Variants in SLC39A10 observed in about 807,000 individuals in gnomAD.
The protein encoded by SLC39A10 is zinc transporter ZIP10.
SLC39A10 carries 13 observed loss-of-function variants against 65.1 expected under a neutral mutation model. The ratio of observed to expected loss-of-function variants is 0.20; its 90% CI spans 0.13 to 0.32. SLC39A10 has a LOEUF of 0.32. Ranked by LOEUF, SLC39A10 falls within the 10% of genes least tolerant of loss-of-function variation. The pLI is 1.00. For synonymous variants in SLC39A10, 321 were observed against 342.2 expected (o/e 0.94, Z 0.68); for missense variants, 831 against 1,018.4 (o/e 0.82, Z 2.50).
intron 3 of SLC39A10, among the ~76,000 whole-genome samples, chr2:195,697,617 G>T (rs959419532): frequency 3.3e-5 from 5 of 151,894 alleles, no homozygotes; most frequent in African/African-American, 1.2e-4. Context: ...AGTGTCTCTT[G>T]TTCCCCTCAT....
At chr2:195,672,564 G>T (rs984662537) in intron 1 of SLC39A10, among the ~76,000 whole-genome samples, 20 of 152,154 alleles carry the variant, frequency 1.3e-4, no homozygotes, top group African/African-American at 4.3e-4. Flanking sequence ...TTGTATCATT[G>T]TATTCCTATA....
chr2:195,672,999 TAC>T (rs1689929519), intron 1 of SLC39A10, among the ~76,000 whole-genome samples: 1 of 152,150 alleles, frequency 6.6e-6, no homozygotes, highest in Admixed American at 6.5e-5. Flanking sequence ...GTAAAATTGA[TAC>T]ACCGTTTAAA....
At chr2:195,690,022 C>G (rs1432399720) in intron 3 of SLC39A10, among the ~76,000 whole-genome samples, 1 of 151,608 alleles carries the variant, frequency 6.6e-6, no homozygotes, top group Non-Finnish European at 1.5e-5. Context: ...ACTAAAAATA[C>G]AAAAATTAGC....
chr2:195,719,312 C>T, intron 8 of SLC39A10, among the ~76,000 whole-genome samples: 1 of 152,210 alleles, frequency 6.6e-6, no homozygotes, highest in South Asian at 2.1e-4. Context: ...TTAAAACTCT[C>T]CATCCCGATT....
At chr2:195,675,051 G>C (rs934465101) in intron 1 of SLC39A10, among the ~76,000 whole-genome samples, 2 of 152,122 alleles carry the variant, frequency 1.3e-5, no homozygotes, top group African/African-American at 4.8e-5. Flanking sequence ...CTGTAAACCA[G>C]TGATTGGCTT....
intron 2 of SLC39A10, among the ~76,000 whole-genome samples, chr2:195,630,678 C>T (rs951841914): frequency 2.6e-5 from 4 of 152,086 alleles, no homozygotes; most frequent in South Asian, 2.1e-4. Flanking sequence ...GAACCATGGA[C>T]GAAAACCATT....
intron 2 of SLC39A10, among the ~76,000 whole-genome samples, chr2:195,624,907 A>AAAAG (rs1688433908): frequency 1.3e-5 from 2 of 148,908 alleles, no homozygotes; most frequent in African/African-American, 4.9e-5. Flanking sequence ...AAAAAAAAAA[A>AAAAG]AAGTTTAGTA....
At chr2:195,658,788 T>C (rs2105724800) in intron 1 of SLC39A10, among the ~76,000 whole-genome samples, 1 of 148,154 alleles carries the variant, frequency 6.7e-6, no homozygotes, top group South Asian at 2.2e-4. Flanking sequence ...CACTGGTTAC[T>C]CCAGTGGCTC....
upstream of SLC39A10, among the ~76,000 whole-genome samples, chr2:195,655,996 G>C (rs1689136621): frequency 6.6e-6 from 1 of 152,176 alleles, no homozygotes; most frequent in Non-Finnish European, 1.5e-5. Context: ...TGTGATACCA[G>C]GCAAGTTAAA....
At position 195,662,012 on chromosome 2, in the gene SLC39A10, C is replaced by T. The variant is rs566655026; in HGVS notation, c.-12+4731C>T. Among the ~76,000 whole-genome samples, 18 of 152,204 alleles carry T rather than the reference C, an allele frequency of 1.2e-4. No individual in the cohort carries two copies. The South Asian group carries it at 2.5e-3, about 21-fold the overall frequency. ...CTCGACTTTGGGGGACAGCCCATCC[C>T]GTTAAGATTTTTAGGGATTAGAAAA... On this transcript the variant is annotated intron_variant, in intron 1 of 9. Coordinates refer to ENST00000359634, the MANE Select transcript of SLC39A10 (RefSeq NM_020342.3).
At chr2:195,625,802 C>T (rs1316317291) in intron 2 of SLC39A10, among the ~76,000 whole-genome samples, 1 of 152,180 alleles carries the variant, frequency 6.6e-6, no homozygotes. Context: ...AGTGATGATA[C>T]ACTTAACCAC....
At chr2:195,674,823 T>TA (rs11455726) in intron 1 of SLC39A10, among the ~76,000 whole-genome samples, 42,142 of 151,972 alleles carry the variant, frequency 0.28, 6,009 homozygotes, top group Middle Eastern at 0.42. Context: ...AACCTGTTGA[T>TA]ATACTGAATA....
In SLC39A10 at chr2:195,683,900, G is replaced by A; in HGVS notation, c.1210G>A (p.Ala404Thr). 6.2e-7 allele frequency: 1 copy of A among 1,609,910 alleles called. No homozygotes were observed. Among genetic ancestry groups the A allele is most frequent in the Non-Finnish European group, 8.5e-7 (1 of 1,177,922 alleles). The change falls in exon 3 of 10, where the codon GCA becomes ACA. Residue 404 changes from alanine to threonine, a missense_variant. Ala to Thr is a moderately conservative substitution (Grantham distance 58). Around this residue, in one of 4 missense-constraint regions of SLC39A10, gnomAD observed 446 missense variants for 499.2 expected, o/e 0.89. Transcript: ENST00000359634. ...LVPEDEANIG[A>T]SAWICGIISI... ...TCCTGAAGATGAGGCAAATATAGGG[G>A]CATCAGGTAAGAGAGATTTTAAGTT...
At chr2:195,684,090 G>T (rs1690433664) in intron 3 of SLC39A10, among the ~76,000 whole-genome samples, 184 bp downstream of exon 3, 1 of 151,908 alleles carries the variant, frequency 6.6e-6, no homozygotes, top group African/African-American at 2.4e-5. Context: ...GGCACAATGT[G>T]TTTTATTTAT....
At chr2:195,717,623 C>T (rs759719333) in intron 7 of SLC39A10, among the ~76,000 whole-genome samples, 9 of 151,824 alleles carry the variant, frequency 5.9e-5, no homozygotes, top group Non-Finnish European at 1.2e-4. Flanking sequence ...TCTAGATATG[C>T]TTCCCAGGCT....
intron 1 of SLC39A10, among the ~76,000 whole-genome samples, chr2:195,668,000 T>C (rs1304638012): frequency 2.6e-5 from 4 of 152,226 alleles, no homozygotes; most frequent in African/African-American, 9.6e-5. Context: ...TTATAAGTAG[T>C]AATAAGACTT....
chr2:195,632,906 A>G (rs186028983), intron 2 of SLC39A10, among the ~76,000 whole-genome samples: 38 of 152,312 alleles, frequency 2.5e-4, no homozygotes, highest in South Asian at 8.3e-4. Flanking sequence ...AGGAGCTGAA[A>G]GTTGATTGAT....
Position 195,651,019 on chromosome 2 carries a change from T to C in SLC39A10, c.-11-29013T>C, listed in dbSNP as rs576765168. ...CTGGGAGGTTGAGTCTGCAGTGAGC[T>C]GTGATTGCACCACTGCACTCCAGCC... On this transcript the variant is annotated intron_variant, in intron 2 of 2. Transcript: ENST00000458054. Among the ~76,000 whole-genome samples the C allele has an allele frequency of 5.7e-4, 87 of 151,718 alleles. 1 individual carries two copies. In the South Asian group the frequency reaches 0.018, roughly 31 times the overall value.
rs1480611734 is a variant in SLC39A10, at chr2:195,709,144, CCTCCCGAGTAG to C, written c.1575+303_1575+313del. The stretch of plus-strand genomic sequence containing the variant: ...GGCTCAGGTGATCCTTTTGCCCCAG[CCTCCCGAGTAG>C]CTGGGACCATAGGCACATGCCACCA... On this transcript the variant is annotated intron_variant, in intron 5 of 9. Transcript: ENST00000359634. Among the ~76,000 whole-genome samples the C allele has an allele frequency of 5.9e-5, 9 of 152,232 alleles. No individual in the cohort carries two copies. The East Asian group carries it at 1.7e-3, about 29-fold the overall frequency.
Sources: allele counts gnomAD v4.1 joint callset (sites outside exome capture counted in the v4.1 genomes callset), GRCh38; gene constraint gnomAD v4.1.1; regional missense constraint gnomAD v4.1.1; transcripts MANE v1.5; gene names NCBI Gene and HGNC (gene_info 2026-07-23, HGNC 2026-07-21).